Variants in FADS3 observed in about 807,000 individuals in gnomAD.
The protein encoded by FADS3 is fatty acid desaturase 3, also known as cytochrome b5-related protein.
FADS3 carries 30 observed loss-of-function variants against 60.4 expected under a neutral mutation model. The ratio of observed to expected loss-of-function variants is 0.50; its 90% CI spans 0.37 to 0.67. The LOEUF (loss-of-function observed/expected upper bound fraction) is 0.67, where lower values mean the gene tolerates loss of function less well. FADS3 is among the 30% of genes least tolerant of loss of function. The pLI is 0.00. For missense variants in FADS3, 432 were observed against 598.3 expected, an observed-to-expected ratio of 0.72 and a Z score of 2.90; for synonymous variants, 234 against 249.3, an observed-to-expected ratio of 0.94 and a Z score of 0.58.
chr11:61,884,734 C>T (rs1484602431), intron 1 of FADS3, among the ~76,000 whole-genome samples: 2 of 152,180 alleles, frequency 1.3e-5, no homozygotes, highest in African/African-American at 2.4e-5. Context: ...CCCAGGGGTA[C>T]GTGCACAAAG....
At chr11:61,873,980 C>A (rs985832130) in intron 11 of FADS3, 115 bp from the exon 12 acceptor site, 2 of 668,692 alleles carry the variant, frequency 3.0e-6, no homozygotes, top group East Asian at 5.9e-5. Flanking sequence ...CTGTGGGTTC[C>A]CTTCCCTGGG....
intron 1 of FADS3, among the ~76,000 whole-genome samples, chr11:61,882,834 A>AT (rs1319452787): frequency 1.3e-5 from 2 of 151,960 alleles, no homozygotes. Context: ...GGTTCAAGAG[A>AT]TTCTTGTGCC....
chr11:61,874,635 T>C (rs1233284540), intron 11 of FADS3, among the ~76,000 whole-genome samples: 1 of 152,242 alleles, frequency 6.6e-6, no homozygotes, highest in Non-Finnish European at 1.5e-5. Flanking sequence ...CCTGCATGCC[T>C]GCCTCGGCTA....
At position 61,875,103 on chromosome 11, in the gene FADS3, A is replaced by G. The variant is rs2524286; in HGVS notation, c.1286+748T>C. Among the ~76,000 whole-genome samples the G allele has an allele frequency of 7.2e-5, 11 of 152,366 alleles. No homozygotes were observed. The East Asian group carries it at 2.1e-3, about 29-fold the overall frequency. ...CTAACCTCCAGTGGTCACCAGGTTCATAAGAACCACCTGCATGGGGTTCAC... is the reference window on the plus strand; with the variant it reads ...CTAACCTCCAGTGGTCACCAGGTTCGTAAGAACCACCTGCATGGGGTTCAC... On this transcript the variant is annotated intron_variant, in intron 11 of 11. Transcript: ENST00000278829.
chr11:61,879,946 C>CT (rs2135994797), intron 2 of FADS3, 95 bp downstream of exon 2: 1 of 1,011,510 alleles, frequency 9.9e-7, no homozygotes, highest in South Asian at 1.6e-5. Context: ...GGGCGAATGC[C>CT]GAGGGAGCTG....
At chr11:61,889,160 G>C (rs1306604026) in intron 1 of FADS3, among the ~76,000 whole-genome samples, 2 of 151,980 alleles carry the variant, frequency 1.3e-5, no homozygotes, top group Admixed American at 1.3e-4. Context: ...GCCTCCCAAA[G>C]TGCTGGGATT....
At chr11:61,885,535 A>G (rs986185419) in intron 1 of FADS3, among the ~76,000 whole-genome samples, 1 of 152,174 alleles carries the variant, frequency 6.6e-6, no homozygotes, top group African/African-American at 2.4e-5. Context: ...GGAGGGGCCT[A>G]CAGGTGTCAG....
At chr11:61,879,247 C>T in intron 3 of FADS3, 65 bp downstream of exon 3, 1 of 1,393,622 alleles carries the variant, frequency 7.2e-7, no homozygotes, top group South Asian at 1.2e-5. Context: ...TTCACAATGC[C>T]CAGATGCATG....
At position 61,876,231 on chromosome 11, in the gene FADS3, A is replaced by G; in HGVS notation, c.1081-41T>C. 3.2e-6 allele frequency: 5 copies of G among 1,579,442 alleles called. No homozygotes were observed. Among genetic ancestry groups the G allele is most frequent in the Non-Finnish European group, 4.3e-6 (5 of 1,162,534 alleles). On this transcript the variant is annotated intron_variant, in intron 9 of 11. Transcript: ENST00000278829. The surrounding 1 kb of genome is among the most constrained non-coding windows in gnomAD (Gnocchi z 5.7). ...GGGGCACATGTGAGGAGGCCGTTGC[A>G]GATCCCTGACCCCACGGCACCATCC...
At chr11:61,878,064 C>T in intron 6 of FADS3, 91 bp downstream of exon 6, 1 of 1,174,792 alleles carries the variant, frequency 8.5e-7, no homozygotes, top group Non-Finnish European at 1.3e-6. Context: ...GTGCCCCGCC[C>T]CAGGAAGTGG....
chr11:61,880,347 T>G, intron 1 of FADS3, 196 bp from the exon 2 acceptor site: 1 of 488,564 alleles, frequency 2.0e-6, no homozygotes, highest in Non-Finnish European at 3.7e-6. Flanking sequence ...GTCCTGCTTT[T>G]CACCCATTGC....
At position 61,878,638 on chromosome 11, in the gene FADS3, T is replaced by TGGA; in HGVS notation, c.625-7_625-5dup. 6.2e-7 allele frequency: 1 copy of TGGA among 1,614,054 alleles called. No individual in the cohort carries two copies. Among genetic ancestry groups the TGGA allele is most frequent in the Non-Finnish European group, 8.5e-7 (1 of 1,179,950 alleles). On this transcript the variant is annotated splice_region_variant and splice_polypyrimidine_tract_variant and intron_variant, in intron 4 of 11. Coordinates refer to ENST00000278829, the MANE Select transcript of FADS3 (RefSeq NM_021727.5). The stretch of plus-strand genomic sequence containing the variant: ...TCCACCAGTGGGCGGAGAAGCCCTG[T>TGGA]GGAGGAGGAGGGGGCTCTCAGGGCA...
At chr11:61,889,272 A>G (rs545044582) in intron 1 of FADS3, among the ~76,000 whole-genome samples, 10 of 152,308 alleles carry the variant, frequency 6.6e-5, no homozygotes, top group African/African-American at 2.4e-4. Context: ...CAGGATCCCA[A>G]GCTAAATGTT....
At chr11:61,883,663 C>A (rs891611225) in intron 1 of FADS3, among the ~76,000 whole-genome samples, 40 of 152,338 alleles carry the variant, frequency 2.6e-4, no homozygotes, top group African/African-American at 9.4e-4. Context: ...CCAGCCCTTC[C>A]CTCTATCACC....
chr11:61,876,193 G>A lies in FADS3; in HGVS notation c.1081-3C>T, dbSNP rs1218215200. ...TCCACGTTGCAGGTGGCTGCCAGCT[G>A]CCGGAAGCCGGCGGGGCACATGTGA... On this transcript the variant is annotated splice_region_variant and splice_polypyrimidine_tract_variant and intron_variant, in intron 9 of 11. Coordinates refer to ENST00000278829, the MANE Select transcript of FADS3 (RefSeq NM_021727.5). This position sits in a 1 kb window ranked among gnomAD's most constrained non-coding sequence, Gnocchi z 5.7. The A allele has an allele frequency of 1.3e-6, 2 of 1,595,308 alleles. No homozygotes were observed. Among genetic ancestry groups the A allele is most frequent in the South Asian group, 2.2e-5 (2 of 89,104 alleles).
chr11:61,875,511 GC>G (rs1199654276), intron 11 of FADS3, among the ~76,000 whole-genome samples: 2 of 151,560 alleles, frequency 1.3e-5, no homozygotes, highest in Non-Finnish European at 2.9e-5. Flanking sequence ...GGAATTACAG[GC>G]GTGAGCCACC....
In FADS3 at chr11:61,877,406, C is replaced by A; in HGVS notation, c.885+105G>T. 1 of 1,038,372 alleles carries A rather than the reference C, an allele frequency of 9.6e-7. No homozygotes were observed. Among genetic ancestry groups the A allele is most frequent in the South Asian group, 1.3e-5 (1 of 75,914 alleles). 64.3% of individuals were successfully genotyped at this position (1,038,372 alleles called of 1,614,324 possible). A position where few individuals can be genotyped will look rare whatever the true frequency, so the allele number is the denominator to read the frequency against. On this transcript the variant is annotated intron_variant, in intron 7 of 11. Coordinates refer to ENST00000278829, the MANE Select transcript of FADS3 (RefSeq NM_021727.5). The surrounding 1 kb of genome is among the most constrained non-coding windows in gnomAD (Gnocchi z 4.7). ...CATACATGTGAGCCACACTGTTGCA[C>A]GCACATGTGCACCCTGTTTGCCTTC...
rs746923124 is a variant in FADS3 at position 61,876,068 on chromosome 11, ACCC to A, written c.1160+40_1160+42del. 1 of 1,185,470 alleles carries A rather than the reference ACCC, an allele frequency of 8.4e-7. No individual in the cohort carries two copies. The highest frequency in any genetic ancestry group is 1.2e-6 in the Non-Finnish European group (1 of 831,292). The allele number at this position is 1,185,470 out of a possible 1,614,324, so 73.4% of individuals were successfully genotyped here. On this transcript the variant is annotated intron_variant, in intron 10 of 11. Coordinates refer to ENST00000278829, the MANE Select transcript of FADS3 (RefSeq NM_021727.5). The surrounding 1 kb of genome is among the most constrained non-coding windows in gnomAD (Gnocchi z 5.7). ...TCCCCTCCCAGGATCCCCTCCCAGG[ACCC>A]CCTCCCCACCTCCCACTGGCCCCCA...
At chr11:61,881,351 G>A (rs1313578842) in intron 1 of FADS3, 1 of 152,204 alleles carries the variant, frequency 6.6e-6, no homozygotes, top group Non-Finnish European at 1.5e-5. Flanking sequence ...AGTAAAGTAA[G>A]CTTGAACTTC....
Sources: allele counts gnomAD v4.1 joint callset (sites outside exome capture counted in the v4.1 genomes callset), GRCh38; gene constraint gnomAD v4.1.1; non-coding constraint Gnocchi (gnomAD v3.1); transcripts MANE v1.5; gene names NCBI Gene and HGNC (gene_info 2026-07-23, HGNC 2026-07-21).